KY: variants seen among roughly 807,000 people sequenced by gnomAD.
KY encodes the protein kyphoscoliosis peptidase.
Under a neutral mutation model 76.1 loss-of-function variants are expected in KY, and 43 were observed. The ratio of observed to expected loss-of-function variants is 0.57; its 90% CI spans 0.44 to 0.73. KY has a LOEUF of 0.73. KY is among the 30% of genes least tolerant of loss of function. The pLI, the probability that KY is intolerant of heterozygous loss-of-function variation, is 0.00. For missense variants in KY, 722 were observed against 828.9 expected, an observed-to-expected ratio of 0.87 and a Z score of 1.58; for synonymous variants, 277 against 326.2, an observed-to-expected ratio of 0.85 and a Z score of 1.63.
intron 1 of KY, among the ~76,000 whole-genome samples, chr3:134,648,294 C>A (rs1448689522): frequency 1.3e-5 from 2 of 152,186 alleles, no homozygotes; most frequent in African/African-American, 4.8e-5. Context: ...TATTCTCCAG[C>A]CCTCTCAACC....
intron 8 of KY, 83 bp from the exon 9 acceptor site, chr3:134,610,466 T>C: frequency 8.2e-7 from 1 of 1,216,388 alleles, no homozygotes; most frequent in South Asian, 1.4e-5. Context: ...GTTTCAGGCA[T>C]GTTTGCTGCC....
chr3:134,620,659 C>T, intron 7 of KY, 90 bp downstream of exon 7: 2 of 889,210 alleles, frequency 2.2e-6, no homozygotes, highest in Non-Finnish European at 3.6e-6. Flanking sequence ...TCATGTCACT[C>T]TGCACACGTG....
At chr3:134,613,625 A>T (rs1960940802) in intron 8 of KY, among the ~76,000 whole-genome samples, 1 of 152,218 alleles carries the variant, frequency 6.6e-6, no homozygotes, top group African/African-American at 2.4e-5. Flanking sequence ...AGAAGCTGGG[A>T]AGGCTGTGGG....
At chr3:134,611,635 CT>C (rs1340590882) in intron 8 of KY, among the ~76,000 whole-genome samples, 1 of 152,250 alleles carries the variant, frequency 6.6e-6, no homozygotes, top group East Asian at 1.9e-4. Context: ...GATGGGGCTC[CT>C]TTGAGTACCA....
At chr3:134,637,322 T>C (rs1378297572) in intron 3 of KY, among the ~76,000 whole-genome samples, 1 of 152,250 alleles carries the variant, frequency 6.6e-6, no homozygotes, top group Admixed American at 6.5e-5. Context: ...ATGGGCCTGT[T>C]CTTTTCCTTT....
At chr3:134,644,958 G>T (rs1966256275) in intron 2 of KY, among the ~76,000 whole-genome samples, 1 of 152,258 alleles carries the variant, frequency 6.6e-6, no homozygotes, top group African/African-American at 2.4e-5. Context: ...GGCGAGGAAA[G>T]GGAGGCCAGG....
Position 134,618,942 on chromosome 3 carries a change from C to A in KY, c.710+206G>T, listed in dbSNP as rs1458803378. 2.0e-5 allele frequency among the ~76,000 whole-genome samples: 3 copies of A among 152,218 alleles called. No individual in the cohort carries two copies. In the East Asian group the frequency reaches 5.8e-4, roughly 29 times the overall value. On this transcript the variant is annotated intron_variant, in intron 8 of 10. Transcript: ENST00000423778. ...GCATTCATCTACCATTATGTTAATG[C>A]ATCGCGAAGCCCGGCAGATGGTACA...
At position 134,602,343 on chromosome 3, in the gene KY, G is replaced by A. The variant is rs898824830; in HGVS notation, c.*1236C>T. On this transcript the variant is annotated 3_prime_UTR_variant, in exon 11 of 11. Transcript: ENST00000423778. The stretch of plus-strand genomic sequence containing the variant: ...GCTGAGGGCCAGCTGGGCAGCTGAG[G>A]CCTCTCAGTCTGTGCCTGAGCAAGC... Among the ~76,000 whole-genome samples, 10 of 152,166 alleles carry A rather than the reference G, an allele frequency of 6.6e-5. No individual in the cohort carries two copies. The highest frequency in any genetic ancestry group is 1.9e-4 in the African/African-American group (8 of 41,444).
rs750351662 is a variant in KY, at chr3:134,604,130, G to T, written c.1435C>A (p.Arg479Ser). 6.2e-6 allele frequency: 10 copies of T among 1,607,994 alleles called. No homozygotes were observed. The highest frequency in any genetic ancestry group is 4.4e-5 in the South Asian group (4 of 90,258). The change falls in exon 11 of 11, where the codon CGC (arginine) becomes AGC (serine). Residue 479 changes from arginine to serine, a missense_variant. Arg to Ser is a moderately radical substitution (Grantham distance 110). Coordinates refer to ENST00000423778, the MANE Select transcript of KY (RefSeq NM_178554.6). The stretch of plus-strand genomic sequence containing the variant: ...TCCACGCTGAAGCTGATGGAGCAGC[G>T]CCCGTCGCTGGTGTGGATGATAGGG... ...PDPIIHTSDG[R>S]CSISFSVEEG... is the part of the protein sequence containing the mutation.
intron 8 of KY, among the ~76,000 whole-genome samples, chr3:134,612,744 G>A (rs1349457639): frequency 8.6e-6 from 1 of 115,754 alleles, no homozygotes; most frequent in Non-Finnish European, 1.9e-5. Flanking sequence ...ACAATGTCAC[G>A]CCGATGCTGT....
intron 8 of KY, among the ~76,000 whole-genome samples, chr3:134,617,839 A>G (rs1314817458): frequency 6.6e-6 from 1 of 152,108 alleles, no homozygotes; most frequent in Non-Finnish European, 1.5e-5. Flanking sequence ...CACACAGTGC[A>G]GGGCTGGAAA....
intron 4 of KY, 48 bp downstream of exon 4, chr3:134,629,573 C>A (rs1290450416): frequency 1.0e-5 from 15 of 1,469,982 alleles, no homozygotes; most frequent in Middle Eastern, 3.4e-4. Flanking sequence ...CAGCTGCCTT[C>A]AATCCTCTCT....
In KY at chr3:134,602,882, C is replaced by T. The variant is rs1959029927; in HGVS notation, c.*697G>A. Among the ~76,000 whole-genome samples the T allele has an allele frequency of 2.0e-5, 3 of 152,362 alleles. No homozygotes were observed. In the South Asian group the frequency reaches 6.2e-4, roughly 32 times the overall value. Reference sequence around the variant, plus strand: ...TGGGCTGCTCTTTGCTTTGCAGTCTCCTCACAACTTTCTGGTTGTCACATT... The same window carrying T: ...TGGGCTGCTCTTTGCTTTGCAGTCTTCTCACAACTTTCTGGTTGTCACATT... On this transcript the variant is annotated 3_prime_UTR_variant, in exon 11 of 11. Transcript: ENST00000423778.
intron 2 of KY, among the ~76,000 whole-genome samples, chr3:134,646,728 G>T (rs566040929): frequency 6.6e-6 from 1 of 152,146 alleles, no homozygotes; most frequent in African/African-American, 2.4e-5. Context: ...TGATCCTAGG[G>T]CTCACATAGC....
chr3:134,633,585 G>T (rs1276217926), intron 3 of KY, among the ~76,000 whole-genome samples: 1 of 151,938 alleles, frequency 6.6e-6, no homozygotes, highest in Admixed American at 6.5e-5. Flanking sequence ...AACAAACTAG[G>T]AATAAAAGGG....
chr3:134,607,592 C>T (rs1959431112), intron 10 of KY: 4 of 985,630 alleles, frequency 4.1e-6, no homozygotes, highest in Non-Finnish European at 4.8e-6. Flanking sequence ...GTGCCCAGCA[C>T]TGGATCAGGT....
chr3:134,610,414 G>A lies in KY; in HGVS notation c.711-31C>T, dbSNP rs201565451. ...GGCAGGACAGGGGGTCTGAGAGGGGGATCCCGCTGTGGCTTGCCTCCAAGT... is the reference window on the plus strand; with the variant it reads ...GGCAGGACAGGGGGTCTGAGAGGGGAATCCCGCTGTGGCTTGCCTCCAAGT... On this transcript the variant is annotated intron_variant, in intron 8 of 10. Coordinates refer to ENST00000423778, the MANE Select transcript of KY (RefSeq NM_178554.6). The A allele has an allele frequency of 3.3e-4, 523 of 1,587,164 alleles. 3 individuals carry two copies. The African/African-American group carries it at 6.3e-3, about 19-fold the overall frequency.
At chr3:134,636,264 A>T (rs1964951426) in intron 3 of KY, among the ~76,000 whole-genome samples, 3 of 152,236 alleles carry the variant, frequency 2.0e-5, no homozygotes. Flanking sequence ...GTAGTGCAAG[A>T]GAATGCCCAT....
Position 134,603,289 on chromosome 3 carries a change from G to C in KY, c.*290C>G. 3.5e-6 allele frequency: 1 copy of C among 288,544 alleles called. No individual in the cohort carries two copies. The highest frequency in any genetic ancestry group is 5.0e-5 in the Admixed American group (1 of 19,850). 17.9% of individuals were successfully genotyped at this position (288,544 alleles called of 1,614,324 possible). ...AACAACAGCAGCAGCACTAATACGAGAAGGGGCATCTGGATGCAGGTGTAC... is the reference window on the plus strand; with the variant it reads ...AACAACAGCAGCAGCACTAATACGACAAGGGGCATCTGGATGCAGGTGTAC... On this transcript the variant is annotated 3_prime_UTR_variant, in exon 11 of 11. Transcript: ENST00000423778.
Sources: allele counts gnomAD v4.1 joint callset (sites outside exome capture counted in the v4.1 genomes callset), GRCh38; gene constraint gnomAD v4.1.1; transcripts MANE v1.5; gene names NCBI Gene and HGNC (gene_info 2026-07-23, HGNC 2026-07-21).